HS6ST3: variants seen among roughly 807,000 people sequenced by gnomAD.
HS6ST3 encodes heparan-sulfate 6-O-sulfotransferase 3.
A neutral mutation model predicts 36.7 loss-of-function variants in HS6ST3; 12 were observed. The ratio of observed to expected loss-of-function variants is 0.33; its 90% CI spans 0.21 to 0.53. The LOEUF (loss-of-function observed/expected upper bound fraction) is 0.53. Among genes scored for constraint, HS6ST3 ranks in the 20% least tolerant of loss-of-function variants. HS6ST3 has a pLI of 0.95. For synonymous variants in HS6ST3, 240 were observed against 257.5 expected (o/e 0.93, Z 0.65); for missense variants, 584 against 640.9 (o/e 0.91, Z 0.96).
chr13:96,593,350 AT>A (rs556750562), intron 1 of HS6ST3, among the ~76,000 whole-genome samples: 31 of 144,910 alleles, frequency 2.1e-4, no homozygotes, highest in East Asian at 8.1e-4. Context: ...CGCCCAGCTA[AT>A]TTTTTTTTTG....
At chr13:96,225,341 G>A (rs2054475377) in intron 1 of HS6ST3, among the ~76,000 whole-genome samples, 1 of 152,196 alleles carries the variant, frequency 6.6e-6, no homozygotes, top group Non-Finnish European at 1.5e-5. Context: ...CCTTTTGGAA[G>A]TCTTTTAATG....
At chr13:96,363,294 T>TTA (rs1263897104) in intron 1 of HS6ST3, among the ~76,000 whole-genome samples, 1 of 151,828 alleles carries the variant, frequency 6.6e-6, no homozygotes, top group Non-Finnish European at 1.5e-5. Context: ...CTGTACATTT[T>TTA]TTTTTTTTTG....
At chr13:96,195,332 G>T (rs1290328991) in intron 1 of HS6ST3, among the ~76,000 whole-genome samples, 1 of 152,182 alleles carries the variant, frequency 6.6e-6, no homozygotes, top group African/African-American at 2.4e-5. Flanking sequence ...TTGAGCTTTT[G>T]CTTGATAAAA....
chr13:96,446,652 A>C (rs554293374), intron 1 of HS6ST3, among the ~76,000 whole-genome samples: 1 of 152,308 alleles, frequency 6.6e-6, no homozygotes, highest in Non-Finnish European at 1.5e-5. Context: ...GCAGTGGAAA[A>C]GAATAAGCAT....
intron 1 of HS6ST3, among the ~76,000 whole-genome samples, chr13:96,800,006 ATATATATG>A (rs1878027458): frequency 7.1e-6 from 1 of 140,614 alleles, no homozygotes; most frequent in African/African-American, 2.7e-5. Flanking sequence ...ATGTATATAT[ATATATATG>A]TATATATATA....
chr13:96,716,672 TTATC>T (rs971194000), intron 1 of HS6ST3, among the ~76,000 whole-genome samples: 34 of 152,336 alleles, frequency 2.2e-4, no homozygotes, highest in Admixed American at 1.2e-3. Context: ...CATTTCTCTA[TTATC>T]TATCTATCCA....
At chr13:96,348,303 T>C (rs1401091410) in intron 1 of HS6ST3, among the ~76,000 whole-genome samples, 5 of 152,178 alleles carry the variant, frequency 3.3e-5, no homozygotes, top group Non-Finnish European at 5.9e-5. Context: ...TAGAGTCAAG[T>C]TGAGGACCTA....
At chr13:96,819,505 G>A (rs969244766) in intron 1 of HS6ST3, among the ~76,000 whole-genome samples, 16 of 152,070 alleles carry the variant, frequency 1.1e-4, no homozygotes, top group East Asian at 3.9e-4. Context: ...AGAATAAAGC[G>A]TTAATTTTGT....
chr13:96,444,966 T>C (rs544305987), intron 1 of HS6ST3, among the ~76,000 whole-genome samples: 1 of 152,284 alleles, frequency 6.6e-6, no homozygotes, highest in Non-Finnish European at 1.5e-5. Context: ...TACTATGCTC[T>C]TTCTAAATAA....
At chr13:96,327,005 T>C (rs79539480) in intron 1 of HS6ST3, among the ~76,000 whole-genome samples, 58,968 of 134,114 alleles carry the variant, frequency 0.44, 13,660 homozygotes, top group Middle Eastern at 0.54. Flanking sequence ...TCATGTCCTT[T>C]GCTCACTTTT....
intron 1 of HS6ST3, among the ~76,000 whole-genome samples, chr13:96,136,465 C>G (rs1377216619): frequency 6.6e-6 from 1 of 151,880 alleles, no homozygotes; most frequent in African/African-American, 2.4e-5. Flanking sequence ...GTGCTGCACG[C>G]TTTTAAACAA....
At chr13:96,481,299 T>C (rs2055889013) in intron 1 of HS6ST3, among the ~76,000 whole-genome samples, 1 of 152,186 alleles carries the variant, frequency 6.6e-6, no homozygotes, top group African/African-American at 2.4e-5. Flanking sequence ...TGCTTGTTAA[T>C]TTAAAAAAGC....
At chr13:96,556,352 T>A (rs1007883829) in intron 1 of HS6ST3, among the ~76,000 whole-genome samples, 1 of 152,126 alleles carries the variant, frequency 6.6e-6, no homozygotes, top group African/African-American at 2.4e-5. Context: ...GAGATTTAGG[T>A]TTTAGTGCTA....
chr13:96,581,752 G>A (rs1452121914), intron 1 of HS6ST3, among the ~76,000 whole-genome samples: 1 of 152,158 alleles, frequency 6.6e-6, no homozygotes, highest in Non-Finnish European at 1.5e-5. Flanking sequence ...TTGAGAAAGA[G>A]GAAATATGGA....
At chr13:96,264,277 G>A (rs773198317) in intron 1 of HS6ST3, among the ~76,000 whole-genome samples, 3 of 152,172 alleles carry the variant, frequency 2.0e-5, no homozygotes, top group Non-Finnish European at 2.9e-5. Context: ...ACTGAAGTGA[G>A]GTAATGGGTG....
intron 1 of HS6ST3, among the ~76,000 whole-genome samples, chr13:96,238,278 C>G (rs2054544083): frequency 1.3e-5 from 2 of 152,344 alleles, no homozygotes; most frequent in East Asian, 3.9e-4. Context: ...AGGCCCATGT[C>G]TACCATCAAC....
At chr13:96,272,588 C>T (rs1205321269) in intron 1 of HS6ST3, among the ~76,000 whole-genome samples, 4 of 151,904 alleles carry the variant, frequency 2.6e-5, no homozygotes, top group African/African-American at 4.8e-5. Context: ...GAGAAAGTTC[C>T]AGTAGCTATA....
chr13:96,108,851 C>T (rs890647013), intron 1 of HS6ST3, among the ~76,000 whole-genome samples: 1 of 152,136 alleles, frequency 6.6e-6, no homozygotes, highest in Admixed American at 6.5e-5. Flanking sequence ...GGGTAAAAAG[C>T]TCCTCATCCT....
intron 1 of HS6ST3, among the ~76,000 whole-genome samples, chr13:96,790,475 A>C (rs1356008562): frequency 6.6e-6 from 1 of 152,076 alleles, no homozygotes; most frequent in Non-Finnish European, 1.5e-5. Flanking sequence ...GTTAAGTAAC[A>C]TGCTGTATGA....
Sources: gnomAD v4.1 joint callset for allele counts (sites outside exome capture counted in the v4.1 genomes callset) on GRCh38, gnomAD v4.1.1 for gene constraint, MANE v1.5 for transcripts, NCBI Gene and HGNC (gene_info 2026-07-23, HGNC 2026-07-21) for gene names.